Variants in AZIN2 observed in about 807,000 individuals in gnomAD.
The protein encoded by AZIN2 is ODC antizyme inhibitor-2.
AZIN2 carries 28 observed loss-of-function variants against 47.8 expected under a neutral mutation model. The ratio of observed to expected loss-of-function variants is 0.59; its 90% CI spans 0.43 to 0.80. AZIN2 has a LOEUF of 0.80. Ranked by LOEUF, AZIN2 falls within the 30% of genes least tolerant of loss-of-function variation. AZIN2 has a pLI of 0.00. For synonymous variants in AZIN2, 221 were observed against 239.4 expected, an observed-to-expected ratio of 0.92 and a Z score of 0.71; for missense variants, 535 against 582.5, an observed-to-expected ratio of 0.92 and a Z score of 0.84.
chr1:33,112,810 T>G (rs1028372596), intron 10 of AZIN2, among the ~76,000 whole-genome samples: 3 of 152,248 alleles, frequency 2.0e-5, no homozygotes, highest in African/African-American at 7.2e-5. Context: ...TATTCTTTTA[T>G]CACATTATTT....
chr1:33,110,281 A>G (rs1437995992), intron 10 of AZIN2, among the ~76,000 whole-genome samples: 1 of 152,210 alleles, frequency 6.6e-6, no homozygotes, highest in Non-Finnish European at 1.5e-5. Context: ...AAGCAAACAA[A>G]TTCTCTCTGG....
At chr1:33,159,219 G>T in the AZIN2 span, among the ~76,000 whole-genome samples, 1 of 151,986 alleles carries the variant, frequency 6.6e-6, no homozygotes, top group Non-Finnish European at 1.5e-5. The surrounding 1 kb of genome is among the most constrained non-coding windows in gnomAD (Gnocchi z 4.2). Flanking sequence ...GAGGGTTACA[G>T]TAATATAAAG....
chr1:33,141,337 C>CTGTG, the AZIN2 span, among the ~76,000 whole-genome samples: 1 of 152,110 alleles, frequency 6.6e-6, no homozygotes, highest in Non-Finnish European at 1.5e-5. Flanking sequence ...GGGCTGGGGC[C>CTGTG]CTCTCAGTTA....
At chr1:33,097,149 C>G (rs116816142) in intron 9 of AZIN2, among the ~76,000 whole-genome samples, 2 of 152,102 alleles carry the variant, frequency 1.3e-5, no homozygotes, top group East Asian at 3.9e-4. Flanking sequence ...ATGAGGAAAC[C>G]GAGAACCAAA....
At chr1:33,147,227 C>T in the AZIN2 span, 68 of 1,613,832 alleles carry the variant, frequency 4.2e-5, no homozygotes, top group Non-Finnish European at 5.5e-5. The surrounding 1 kb of genome is among the most constrained non-coding windows in gnomAD (Gnocchi z 8.1). Context: ...TTGCCATTGG[C>T]GTGGCTCTGG....
chr1:33,158,392 G>C, the AZIN2 span: 4 of 1,602,588 alleles, frequency 2.5e-6, no homozygotes, highest in Non-Finnish European at 2.6e-6. Flanking sequence ...AGGAAAGGGG[G>C]CTGCACCAGG....
At chr1:33,124,713 A>C (rs1324391806), downstream of AZIN2, among the ~76,000 whole-genome samples, 2 of 151,958 alleles carry the variant, frequency 1.3e-5, no homozygotes, top group Non-Finnish European at 2.9e-5. The surrounding 1 kb of genome is among the most constrained non-coding windows in gnomAD (Gnocchi z 4.6). Context: ...GTGTTCCCCA[A>C]CCTGTGTCCA....
chr1:33,085,553 C>T (rs528141775), intron 5 of AZIN2, among the ~76,000 whole-genome samples: 116 of 151,942 alleles, frequency 7.6e-4, no homozygotes, highest in African/African-American at 2.5e-3. Flanking sequence ...GTAATGGTTG[C>T]GTAATATGGC....
At chr1:33,138,642 A>AAAG in the AZIN2 span, among the ~76,000 whole-genome samples, 1 of 145,980 alleles carries the variant, frequency 6.9e-6, no homozygotes, top group African/African-American at 2.5e-5. Flanking sequence ...AAAAAAAAAA[A>AAAG]AAAGAAAAGG....
chr1:33,101,198 T>A (rs1410904051), intron 10 of AZIN2, among the ~76,000 whole-genome samples: 1 of 151,962 alleles, frequency 6.6e-6, no homozygotes, highest in Non-Finnish European at 1.5e-5. Flanking sequence ...TTCCCCATAC[T>A]CTTTTCTTCT....
intron 10 of AZIN2, among the ~76,000 whole-genome samples, chr1:33,109,654 TTTTTAA>T (rs1184970860): frequency 1.3e-5 from 2 of 152,126 alleles, no homozygotes; most frequent in Non-Finnish European, 2.9e-5. Context: ...AGTGCAGAAA[TTTTTAA>T]TTTTAATAAA....
At chr1:33,144,821 G>A in the AZIN2 span, among the ~76,000 whole-genome samples, 3 of 152,172 alleles carry the variant, frequency 2.0e-5, no homozygotes, top group Non-Finnish European at 4.4e-5. Context: ...GAGAAAGACA[G>A]ACTTCTTGGG....
intron 7 of AZIN2, among the ~76,000 whole-genome samples, chr1:33,093,949 T>G (rs919279874): frequency 5.9e-5 from 9 of 152,104 alleles, no homozygotes; most frequent in African/African-American, 2.2e-4. Flanking sequence ...CTCAAGCTGG[T>G]CTCAAAGTCT....
chr1:33,118,168 C>T (rs768684085), intron 11 of AZIN2, 52 bp downstream of exon 11: 7 of 1,473,610 alleles, frequency 4.8e-6, no homozygotes, highest in African/African-American at 2.9e-5. Flanking sequence ...TGGGCAGAAA[C>T]GAGGGAAACT....
chr1:33,164,360 G>A, the AZIN2 span: 20 of 152,250 alleles, frequency 1.3e-4, no homozygotes, highest in African/African-American at 3.9e-4. Context: ...CTGACAGAGC[G>A]GGGTCAGCCT....
At chr1:33,152,458 T>C in the AZIN2 span, among the ~76,000 whole-genome samples, 1 of 151,942 alleles carries the variant, frequency 6.6e-6, no homozygotes, top group Non-Finnish European at 1.5e-5. Flanking sequence ...TCCCAGCTAC[T>C]TGGGAGGCTG....
intron 10 of AZIN2, among the ~76,000 whole-genome samples, chr1:33,106,482 T>C (rs1342829912): frequency 1.3e-5 from 2 of 152,106 alleles, no homozygotes; most frequent in East Asian, 3.8e-4. Flanking sequence ...TTACAGGCCA[T>C]GTTCACAGAT....
At chr1:33,164,475 G>A in the AZIN2 span, 2 of 152,536 alleles carry the variant, frequency 1.3e-5, no homozygotes, top group South Asian at 4.1e-4. Context: ...AGTCCCCACT[G>A]GACAGATGGG....
At chr1:33,144,617 A>C in the AZIN2 span, among the ~76,000 whole-genome samples, 1 of 152,338 alleles carries the variant, frequency 6.6e-6, no homozygotes, top group African/African-American at 2.4e-5. Flanking sequence ...AAGTAAAGTG[A>C]ACTTTAATTC....
Sources: allele counts gnomAD v4.1 joint callset (sites outside exome capture counted in the v4.1 genomes callset), GRCh38; gene constraint gnomAD v4.1.1; non-coding constraint Gnocchi (gnomAD v3.1); transcripts MANE v1.5; gene names NCBI Gene and HGNC (gene_info 2026-07-23, HGNC 2026-07-21).